The following SPPL2A variants were observed in gnomAD, a reference collection of about 807,000 sequenced individuals.
The protein encoded by SPPL2A is signal peptide peptidase-like 2A.
In SPPL2A, 51 loss-of-function variants were observed where a neutral mutation model predicts 63.8. The observed-to-expected ratio is 0.80, with a 90% CI of 0.64 to 1.01. SPPL2A has a LOEUF of 1.01. Ranked by LOEUF, SPPL2A falls within the 50% of genes least tolerant of loss-of-function variation. The probability of loss-of-function intolerance (pLI) is 0.00; values close to 1 mark genes in which losing one functional copy is unlikely to be tolerated. For missense variants in SPPL2A, 553 were observed against 622.7 expected, an observed-to-expected ratio of 0.89 and a Z score of 1.19; for synonymous variants, 188 against 205.8, an observed-to-expected ratio of 0.91 and a Z score of 0.74.
intron 7 of SPPL2A, 112 bp from the exon 8 acceptor site, chr15:50,736,314 T>C (rs1023568988): frequency 1.5e-6 from 1 of 670,904 alleles, no homozygotes; most frequent in Non-Finnish European, 2.6e-6. Context: ...ATATCAATTT[T>C]GAAAGTCTTG....
chr15:50,712,295 C>T (rs1032354893), intron 14 of SPPL2A, among the ~76,000 whole-genome samples: 3 of 152,174 alleles, frequency 2.0e-5, no homozygotes, highest in Admixed American at 6.5e-5. Flanking sequence ...GGAGCGCCTA[C>T]TTCCTTCTAA....
At chr15:50,736,252 A>C in intron 7 of SPPL2A, 50 bp from the exon 8 acceptor site, 1 of 1,072,046 alleles carries the variant, frequency 9.3e-7, no homozygotes, top group Non-Finnish European at 1.4e-6. Context: ...TACAATGTTC[A>C]CTTGATATAA....
rs183099873 is a variant in SPPL2A, at chr15:50,711,338, T to G, written c.1489-3464A>C. On this transcript the variant is annotated intron_variant, in intron 14 of 14. Coordinates refer to ENST00000261854, the MANE Select transcript of SPPL2A (RefSeq NM_032802.4). Reference sequence around the variant, plus strand: ...AATTCTCCCCCCTCAGCCTCCCTAGTAGCTGGGATTACAGGCACACGCCAC... The same window carrying G: ...AATTCTCCCCCCTCAGCCTCCCTAGGAGCTGGGATTACAGGCACACGCCAC... Among the ~76,000 whole-genome samples, 896 of 151,742 alleles carry G rather than the reference T, an allele frequency of 5.9e-3. 14 individuals carry two copies. Among genetic ancestry groups the G allele is most frequent in the African/African-American group, 0.021 (861 of 41,382 alleles).
chr15:50,748,925 C>T (rs1182710840), intron 2 of SPPL2A, 55 bp from the exon 3 acceptor site: 2 of 1,182,984 alleles, frequency 1.7e-6, no homozygotes, highest in East Asian at 5.2e-5. Flanking sequence ...ATCCTAAATG[C>T]ATTCAGTTAT....
chr15:50,719,722 G>GT (rs10708490), intron 14 of SPPL2A, among the ~76,000 whole-genome samples: 3,088 of 147,872 alleles, frequency 0.021, 29 homozygotes, highest in Non-Finnish European at 0.024. Flanking sequence ...GTCCTCTGCT[G>GT]TTTTTTTTTT....
rs1398865567 is a variant in SPPL2A at position 50,702,832 on chromosome 15, TA to T, written c.*4967del. 1 of 152,166 alleles carries T rather than the reference TA, an allele frequency of 6.6e-6. No homozygotes were observed. The highest frequency in any genetic ancestry group is 2.4e-5 in the African/African-American group (1 of 41,430). The allele number at this position is 152,166 out of a possible 1,614,324, so 9.4% of individuals were successfully genotyped here. A position where few individuals can be genotyped will look rare whatever the true frequency, so the allele number is the denominator to read the frequency against. On this transcript the variant is annotated 3_prime_UTR_variant, in exon 15 of 15. Transcript: ENST00000261854. Reference sequence around the variant, plus strand: ...TTTTATATGCAGAGGCTGTCCTCAATATGGAAAGATTAAACGAGGACATTTA... The same window carrying T: ...TTTTATATGCAGAGGCTGTCCTCAATTGGAAAGATTAAACGAGGACATTTA...
intron 14 of SPPL2A, among the ~76,000 whole-genome samples, chr15:50,714,942 C>T (rs1051329055): frequency 4.0e-5 from 6 of 151,820 alleles, no homozygotes; most frequent in African/African-American, 1.2e-4. Flanking sequence ...ATTCCGCCAC[C>T]CCTCCCCGCC....
Position 50,765,596 on chromosome 15 carries a change from C to T in SPPL2A, c.-63G>A, listed in dbSNP as rs1320697750. Reference sequence around the variant, plus strand: ...CGCAGCTCACTCGGCGGGGTAGGCTCGGAGTCCCGCCGCTGCGCTGCCTCC... The same window carrying T: ...CGCAGCTCACTCGGCGGGGTAGGCTTGGAGTCCCGCCGCTGCGCTGCCTCC... On this transcript the variant is annotated 5_prime_UTR_variant, in exon 1 of 15. Coordinates refer to ENST00000261854, the MANE Select transcript of SPPL2A (RefSeq NM_032802.4). 19 of 1,156,334 alleles carry T rather than the reference C, an allele frequency of 1.6e-5. No homozygotes were observed. Among genetic ancestry groups the T allele is most frequent in the South Asian group, 2.1e-5 (1 of 47,052 alleles). 71.6% of individuals were successfully genotyped at this position (1,156,334 alleles called of 1,614,324 possible). A position where few individuals can be genotyped will look rare whatever the true frequency, so the allele number is the denominator to read the frequency against.
intron 3 of SPPL2A, among the ~76,000 whole-genome samples, 164 bp downstream of exon 3, chr15:50,748,524 T>C (rs899244365): frequency 1.3e-5 from 2 of 152,098 alleles, no homozygotes; most frequent in Non-Finnish European, 2.9e-5. Flanking sequence ...TGAAAAACTT[T>C]CCAAGTAAAT....
chr15:50,717,092 T>C (rs1567150165), intron 14 of SPPL2A, among the ~76,000 whole-genome samples: 2 of 152,322 alleles, frequency 1.3e-5, no homozygotes, highest in African/African-American at 2.4e-5. Context: ...GGCCCTATTA[T>C]GCCTCTAAAT....
chr15:50,765,341 T>G, intron 1 of SPPL2A, 127 bp downstream of exon 1: 1 of 582,314 alleles, frequency 1.7e-6, no homozygotes, highest in Non-Finnish European at 2.8e-6. Flanking sequence ...GAAAGAGGAG[T>G]GCGAGAGCAG....
At chr15:50,718,494 TA>T (rs1288556913) in intron 14 of SPPL2A, among the ~76,000 whole-genome samples, 2 of 152,174 alleles carry the variant, frequency 1.3e-5, no homozygotes, top group Admixed American at 1.3e-4. Flanking sequence ...ACTTTATTTT[TA>T]AAAATCTATA....
At chr15:50,757,034 C>T (rs1488779938) in intron 1 of SPPL2A, among the ~76,000 whole-genome samples, 7 of 151,934 alleles carry the variant, frequency 4.6e-5, no homozygotes, top group Admixed American at 4.6e-4. Flanking sequence ...GGTTTCCTAC[C>T]GCTTCTCAAG....
intron 14 of SPPL2A, among the ~76,000 whole-genome samples, chr15:50,718,378 A>C (rs2062616696): frequency 6.6e-6 from 1 of 152,154 alleles, no homozygotes; most frequent in Admixed American, 6.6e-5. Flanking sequence ...AATCACTCAT[A>C]AACATTTGCT....
intron 5 of SPPL2A, among the ~76,000 whole-genome samples, chr15:50,741,110 G>A (rs1236925456): frequency 3.9e-5 from 6 of 152,200 alleles, no homozygotes; most frequent in Admixed American, 2.6e-4. Context: ...AAGTCGAGGA[G>A]GAAAAGAACT....
At chr15:50,741,361 A>T (rs369742869) in intron 5 of SPPL2A, among the ~76,000 whole-genome samples, 4,781 of 144,278 alleles carry the variant, frequency 0.033, 96 homozygotes, top group Middle Eastern at 0.1. Context: ...TTTAAAAATA[A>T]AAAAAAAAAA....
In SPPL2A at chr15:50,720,019, G is replaced by C; in HGVS notation, c.1409C>G (p.Pro470Arg). ...AACTGAGGCAGTAATAAGTGTGCAA[G>C]GTACTAAATAGAGGAGAGCAGGTTG... ...KGQPALLYLV[P>R]CTLITASVVA... Residue 470 changes from proline to arginine, a missense_variant, in exon 14 of 15, where the codon CCT (proline) becomes CGT (arginine). Coordinates refer to ENST00000261854, the MANE Select transcript of SPPL2A (RefSeq NM_032802.4). 6.2e-7 allele frequency: 1 copy of C among 1,613,498 alleles called. No individual in the cohort carries two copies. The highest frequency in any genetic ancestry group is 8.5e-7 in the Non-Finnish European group (1 of 1,179,510).
chr15:50,735,856 C>A (rs1178572241), intron 8 of SPPL2A, among the ~76,000 whole-genome samples: 1 of 152,094 alleles, frequency 6.6e-6, no homozygotes, highest in Non-Finnish European at 1.5e-5. Flanking sequence ...GGATTACAGG[C>A]GTGAAATTAA....
chr15:50,726,589 C>A (rs1432563141), intron 10 of SPPL2A, among the ~76,000 whole-genome samples: 1 of 152,142 alleles, frequency 6.6e-6, no homozygotes, highest in Non-Finnish European at 1.5e-5. Context: ...TTTATCAGAG[C>A]TCAATAATTC....
Sources: allele counts gnomAD v4.1 joint callset (sites outside exome capture counted in the v4.1 genomes callset), GRCh38; gene constraint gnomAD v4.1.1; transcripts MANE v1.5; gene names NCBI Gene and HGNC (gene_info 2026-07-23, HGNC 2026-07-21).